The following TMEM223 variants were observed in gnomAD, a reference collection of about 807,000 sequenced individuals.
The protein encoded by TMEM223 is transmembrane protein 223.
Under a neutral mutation model 14.1 loss-of-function variants are expected in TMEM223, and 14 were observed. The ratio of observed to expected loss-of-function variants is 0.99; its 90% CI spans 0.66 to 1.55. The LOEUF is 1.55. TMEM223 is among the 40% of genes most tolerant of loss of function. The pLI, the probability that TMEM223 is intolerant of heterozygous loss-of-function variation, is 0.00. For missense variants in TMEM223, 346 were observed against 269.9 expected (o/e 1.28, Z -1.97); for synonymous variants, 145 against 120.5 (o/e 1.20, Z -1.33).
At chr11:62,772,394 A>T (rs1319254670) in intron 2 of TMEM223, among the ~76,000 whole-genome samples, 1 of 151,956 alleles carries the variant, frequency 6.6e-6, no homozygotes, top group Non-Finnish European at 1.5e-5. Context: ...ATGGCGGCGT[A>T]TGCCTGTAGT....
At chr11:62,774,313 T>G (rs552775219) in intron 2 of TMEM223, among the ~76,000 whole-genome samples, 2 of 152,262 alleles carry the variant, frequency 1.3e-5, no homozygotes, top group South Asian at 4.1e-4. Flanking sequence ...CCTGACCTTG[T>G]GATCCGCCTG....
Position 62,791,769 on chromosome 11 carries a change from G to C in TMEM223, c.226C>G (p.Pro76Ala). 6.4e-7 allele frequency: 1 copy of C among 1,566,556 alleles called. No individual in the cohort carries two copies. The highest frequency in any genetic ancestry group is 8.6e-7 in the Non-Finnish European group (1 of 1,156,210). ...AVSRPPVPVQ[P>A]LDAEVPNRGP... is the part of the protein sequence containing the mutation. Reference sequence around the variant, plus strand: ...CGATTTGGGACCTCCGCATCCAGAGGCTGCACCGGAACCGGGGGCCGGGAC... The same window carrying C: ...CGATTTGGGACCTCCGCATCCAGAGCCTGCACCGGAACCGGGGGCCGGGAC... Residue 76 changes from proline to alanine, a missense_variant, in exon 1 of 2, where the codon CCT becomes GCT. Physicochemically the swap from Pro to Ala is conservative, Grantham distance 27. Coordinates refer to ENST00000307366, the MANE Select transcript of TMEM223 (RefSeq NM_001080501.3).
At chr11:62,774,684 C>G (rs1272117181) in intron 1 of TMEM223, 1 of 454,746 alleles carries the variant, frequency 2.2e-6, no homozygotes, top group Admixed American at 2.4e-5. Context: ...AAAACAGGTT[C>G]CAGCATTTAG....
At chr11:62,786,887 A>G, downstream of TMEM223, 3 of 1,561,550 alleles carry the variant, frequency 1.9e-6, no homozygotes, top group Non-Finnish European at 2.6e-6. Flanking sequence ...AAGATGCCGC[A>G]GCTGACGGCA....
At chr11:62,776,159 G>C (rs550313625) in intron 1 of TMEM223, among the ~76,000 whole-genome samples, 24 of 152,318 alleles carry the variant, frequency 1.6e-4, no homozygotes, top group African/African-American at 5.1e-4. Context: ...TGGGCAGGCA[G>C]AGCGGGTAGA....
chr11:62,787,458 C>G (rs566843244), downstream of TMEM223: 3 of 1,571,470 alleles, frequency 1.9e-6, no homozygotes, highest in African/African-American at 1.4e-5. Context: ...TGCAGCGCGT[C>G]GAGCTTGCGC....
At position 62,791,851 on chromosome 11, in the gene TMEM223, G is replaced by C; in HGVS notation, c.144C>G (p.Leu48=). 1 of 1,592,532 alleles carries C rather than the reference G, an allele frequency of 6.3e-7. No individual in the cohort carries two copies. The highest frequency in any genetic ancestry group is 1.1e-5 in the South Asian group (1 of 87,590). The stretch of plus-strand genomic sequence containing the variant: ...CGCCCTGGCCCGCGCAGAACAGCCC[G>C]AGGATGGTGAAGAAGCGGCCCCGAT... ...EHDRGRFFTI[L]GLFCAGQGVF... Residue 48 remains leucine, a synonymous_variant, in exon 1 of 2, where the codon CTC becomes CTG. Coordinates refer to ENST00000307366, the MANE Select transcript of TMEM223 (RefSeq NM_001080501.3).
chr11:62,774,520 C>G, intron 2 of TMEM223: 1 of 452,108 alleles, frequency 2.2e-6, no homozygotes, highest in Non-Finnish European at 4.4e-6. Flanking sequence ...GGGGGCAATG[C>G]CTGGGTGGGT....
intron 1 of TMEM223, chr11:62,778,750 C>T (rs1453391904): frequency 3.5e-6 from 3 of 863,214 alleles, no homozygotes; most frequent in East Asian, 2.4e-5. Context: ...CCTGGTTGTC[C>T]TGTCAGAAAG....
chr11:62,786,955 C>T, downstream of TMEM223: 1 of 1,447,672 alleles, frequency 6.9e-7, no homozygotes, highest in Middle Eastern at 2.4e-4. Context: ...CGGAGGCGGC[C>T]CCGCGTCGGC....
At position 62,778,409 on chromosome 11, in the gene TMEM223, C is replaced by T. The variant is rs2084203056; in HGVS notation, c.315-3744G>A. 2.6e-6 allele frequency: 4 copies of T among 1,550,738 alleles called. No homozygotes were observed. The East Asian group carries it at 6.8e-5, about 26-fold the overall frequency. On this transcript the variant is annotated intron_variant, in intron 1 of 2. Transcript: ENST00000528367. ...AGGTTCTGAGGGTGGTGCCTATGTGCCCCCGAGTCTGCGTCTAACATGTGT... is the reference window on the plus strand; with the variant it reads ...AGGTTCTGAGGGTGGTGCCTATGTGTCCCCGAGTCTGCGTCTAACATGTGT...
intron 1 of TMEM223, among the ~76,000 whole-genome samples, chr11:62,776,208 G>A (rs1207366792): frequency 1.3e-5 from 2 of 152,206 alleles, no homozygotes; most frequent in Non-Finnish European, 2.9e-5. Context: ...GGTGTTGACA[G>A]AAGATGTGAC....
intron 2 of TMEM223, among the ~76,000 whole-genome samples, chr11:62,773,874 AT>A (rs1457599219): frequency 6.6e-6 from 1 of 152,048 alleles, no homozygotes; most frequent in Non-Finnish European, 1.5e-5. Flanking sequence ...AGACAAAGGG[AT>A]TGGGGGTGGA....
chr11:62,778,857 G>A, intron 1 of TMEM223: 1 of 1,613,186 alleles, frequency 6.2e-7, no homozygotes, highest in Non-Finnish European at 8.5e-7. Flanking sequence ...CTTCCTGCCT[G>A]TCCTCTGGCA....
At chr11:62,787,265 T>G (rs777191701), downstream of TMEM223, 95 of 1,563,414 alleles carry the variant, frequency 6.1e-5, no homozygotes, top group Non-Finnish European at 7.6e-5. Flanking sequence ...CGGTGGGCGC[T>G]CTCGGACTAC....
At chr11:62,782,563 G>A (rs2084238236), downstream of TMEM223, 1 of 1,368,668 alleles carries the variant, frequency 7.3e-7, no homozygotes, top group Non-Finnish European at 1.0e-6. Context: ...GTCACCCCTG[G>A]CAGCCTTCTT....
intron 1 of TMEM223, among the ~76,000 whole-genome samples, chr11:62,779,976 A>ATATATT (rs1294367864): frequency 5.7e-5 from 3 of 52,630 alleles, no homozygotes; most frequent in African/African-American, 7.7e-5. Context: ...ATATATATAT[A>ATATATT]TTTTTTTTTT....
downstream of TMEM223, chr11:62,789,882 A>G (rs963197922): frequency 6.2e-7 from 1 of 1,612,658 alleles, no homozygotes; most frequent in Admixed American, 1.7e-5. Context: ...CCTGTCTCCT[A>G]CAGACCTCTT....
downstream of TMEM223, chr11:62,786,907 G>A: frequency 6.6e-7 from 1 of 1,519,414 alleles, no homozygotes; most frequent in Non-Finnish European, 8.7e-7. Context: ...AAGCGCCATA[G>A]TCAGCCCGCA....
Sources: gnomAD v4.1 joint callset for allele counts (sites outside exome capture counted in the v4.1 genomes callset) on GRCh38, gnomAD v4.1.1 for gene constraint, MANE v1.5 for transcripts, NCBI Gene and HGNC (gene_info 2026-07-23, HGNC 2026-07-21) for gene names.